The following TBCK variants were observed in gnomAD, a reference collection of about 807,000 sequenced individuals.
TBCK encodes the protein TBC1 domain containing kinase.
Under a neutral mutation model 113.4 loss-of-function variants are expected in TBCK, and 99 were observed. The observed-to-expected ratio is 0.87, with a 90% CI of 0.74 to 1.03. The LOEUF (loss-of-function observed/expected upper bound fraction) is 1.03, where lower values mean the gene tolerates loss of function less well. Among genes scored for constraint, TBCK ranks in the 50% least tolerant of loss-of-function variants. The pLI, the probability that TBCK is intolerant of heterozygous loss-of-function variation, is 0.00. For synonymous variants in TBCK, 369 were observed against 370.8 expected (o/e 1.00, Z 0.05); for missense variants, 1,045 against 1,061.3 (o/e 0.98, Z 0.21).
At chr4:106,079,159 CA>C (rs879893244) in intron 25 of TBCK, among the ~76,000 whole-genome samples, 5 of 151,932 alleles carry the variant, frequency 3.3e-5, no homozygotes, top group Non-Finnish European at 4.4e-5. Context: ...AATTAGGCAT[CA>C]AAAAAACATA....
chr4:106,261,221 A>C (rs1203460914), intron 4 of TBCK, among the ~76,000 whole-genome samples: 4 of 152,100 alleles, frequency 2.6e-5, no homozygotes, highest in African/African-American at 9.7e-5. Flanking sequence ...TAAATTGATA[A>C]GGTAATGATT....
chr4:106,274,234 C>T (rs567214187), intron 3 of TBCK, among the ~76,000 whole-genome samples: 1 of 152,146 alleles, frequency 6.6e-6, no homozygotes, highest in African/African-American at 2.4e-5. Flanking sequence ...GTAAATGGAA[C>T]CTTTGTGCAT....
chr4:106,095,553 T>C lies in TBCK; in HGVS notation c.2500A>G (p.Thr834Ala), dbSNP rs898420220. The C allele has an allele frequency of 6.2e-7, 1 of 1,613,964 alleles. No individual in the cohort carries two copies. The highest frequency in any genetic ancestry group is 8.5e-7 in the Non-Finnish European group (1 of 1,179,974). ...AEGELTQGPY[T>A]AMLQNFKGKV... ...CCTTTGAAGTTCTGGAGCATAGCAG[T>C]GTAAGGGCCCTGGGTAAGCTCCCCT... The change falls in exon 25 of 26, where the codon ACT becomes GCT. Residue 834 changes from threonine (T) to alanine (A), a missense_variant. Thr to Ala is a moderately conservative substitution (Grantham distance 58). Transcript: ENST00000394708.
At position 106,250,278 on chromosome 4, in the gene TBCK, C is replaced by A. The variant is rs544944985; in HGVS notation, c.658+140G>T. ...TCATATGCTGTTCTGCTGATCATTA[C>A]CACTGATCATTAGCAACTTGAGTAA... On this transcript the variant is annotated intron_variant, in intron 7 of 25. Transcript: ENST00000394708. 3.5e-5 allele frequency: 19 copies of A among 547,878 alleles called. No individual in the cohort carries two copies. The African/African-American group carries it at 3.6e-4, about 10-fold the overall frequency. The allele number at this position is 547,878 out of a possible 1,614,324, so 33.9% of individuals were successfully genotyped here. A position where few individuals can be genotyped will look rare whatever the true frequency, so the allele number is the denominator to read the frequency against.
chr4:106,243,494 C>G (rs1328814258), intron 11 of TBCK, among the ~76,000 whole-genome samples: 1 of 152,062 alleles, frequency 6.6e-6, no homozygotes, highest in African/African-American at 2.4e-5. Context: ...AATCTTACCT[C>G]TAACTTTCTA....
At chr4:106,058,262 G>C (rs1440491648) in intron 25 of TBCK, among the ~76,000 whole-genome samples, 1 of 151,666 alleles carries the variant, frequency 6.6e-6, no homozygotes, top group South Asian at 2.1e-4. Context: ...TGTTCAAATT[G>C]TGCCTTGTAC....
intron 25 of TBCK, among the ~76,000 whole-genome samples, chr4:106,054,247 C>T (rs951540494): frequency 4.6e-5 from 7 of 151,672 alleles, no homozygotes; most frequent in African/African-American, 1.5e-4. Flanking sequence ...AATCTCATCT[C>T]CCAGTCCAAA....
rs567284772 is a variant in TBCK at position 106,055,876 on chromosome 4, C to T, written c.2572-9196G>A. ...CAACAATCTCTTATTGAGACTATCA[C>T]CTGGAATTTGTCTTTCTTTCTAGAA... On this transcript the variant is annotated intron_variant, in intron 25 of 25. Transcript: ENST00000394708. 5.3e-5 allele frequency among the ~76,000 whole-genome samples: 8 copies of T among 151,428 alleles called. No homozygotes were observed. The Admixed American group carries it at 5.3e-4, about 10-fold the overall frequency.
At chr4:106,252,570 A>G (rs996149751) in intron 5 of TBCK, among the ~76,000 whole-genome samples, 1 of 152,062 alleles carries the variant, frequency 6.6e-6, no homozygotes, top group African/African-American at 2.4e-5. Flanking sequence ...AGTGTATTTT[A>G]GAGATTGTTC....
Position 106,043,401 on chromosome 4 carries a change from A to G in TBCK, c.*3169T>C, listed in dbSNP as rs1414106443. On this transcript the variant is annotated 3_prime_UTR_variant, in exon 26 of 26. Coordinates refer to ENST00000394708, the MANE Select transcript of TBCK (RefSeq NM_001163435.3). Reference sequence around the variant, plus strand: ...AGTTTGGCAGTTGAAAAAAATTACCACAGGTTATTTTTATTTTTCTCCCTT... The same window carrying G: ...AGTTTGGCAGTTGAAAAAAATTACCGCAGGTTATTTTTATTTTTCTCCCTT... 1 of 152,096 alleles carries G rather than the reference A, an allele frequency of 6.6e-6. No individual in the cohort carries two copies. The allele number at this position is 152,096 out of a possible 1,614,324, so 9.4% of individuals were successfully genotyped here.
intron 2 of TBCK, among the ~76,000 whole-genome samples, chr4:106,303,462 G>T (rs1303666793): frequency 1.3e-5 from 2 of 152,010 alleles, no homozygotes; most frequent in African/African-American, 2.4e-5. Flanking sequence ...ATTTGAAGGG[G>T]TTCACAGACC....
intron 23 of TBCK, among the ~76,000 whole-genome samples, chr4:106,164,933 G>A (rs975509339): frequency 2.0e-5 from 3 of 151,642 alleles, no homozygotes; most frequent in Non-Finnish European, 4.4e-5. Context: ...TGCAATAAAT[G>A]CTATCATTTT....
Position 106,061,489 on chromosome 4 carries a change from T to C in TBCK, c.2572-14809A>G, listed in dbSNP as rs549087944. 4.0e-5 allele frequency among the ~76,000 whole-genome samples: 6 copies of C among 151,278 alleles called. No homozygotes were observed. In the East Asian group the frequency reaches 5.8e-4, roughly 15 times the overall value. Reference sequence around the variant, plus strand: ...GCATTTTTTGATTAAGGTATGTATGTACTTAATTTAGATATAATGCTGTTG... The same window carrying C: ...GCATTTTTTGATTAAGGTATGTATGCACTTAATTTAGATATAATGCTGTTG... On this transcript the variant is annotated intron_variant, in intron 25 of 25. Transcript: ENST00000394708.
At chr4:106,227,674 G>A (rs975819801) in intron 19 of TBCK, among the ~76,000 whole-genome samples, 3 of 151,896 alleles carry the variant, frequency 2.0e-5, no homozygotes, top group East Asian at 1.9e-4. Flanking sequence ...TTAAAATAAC[G>A]TAGGAAGAAT....
At chr4:106,113,726 G>C (rs777681828) in intron 24 of TBCK, among the ~76,000 whole-genome samples, 18 of 152,180 alleles carry the variant, frequency 1.2e-4, no homozygotes, top group Non-Finnish European at 2.4e-4. Context: ...AAGACTGAGC[G>C]AATCTGCTCT....
chr4:106,309,300 C>T (rs1255856861), intron 1 of TBCK, among the ~76,000 whole-genome samples: 25 of 138,426 alleles, frequency 1.8e-4, no homozygotes, highest in African/African-American at 6.8e-4. Context: ...TAATAAGGCT[C>T]TTCTCTTTTT....
chr4:106,073,448 C>A (rs563532515), intron 25 of TBCK, among the ~76,000 whole-genome samples: 13 of 152,160 alleles, frequency 8.5e-5, no homozygotes, highest in Non-Finnish European at 1.9e-4. Context: ...GCAAATACTG[C>A]AGAACAGCAA....
At chr4:106,140,343 G>T (rs1747033401) in intron 23 of TBCK, among the ~76,000 whole-genome samples, 1 of 140,750 alleles carries the variant, frequency 7.1e-6, no homozygotes, top group African/African-American at 2.5e-5. Flanking sequence ...ATTTGAATGT[G>T]TTTACAGGCA....
chr4:106,239,902 A>G (rs1205889509), intron 12 of TBCK, among the ~76,000 whole-genome samples: 1 of 152,048 alleles, frequency 6.6e-6, no homozygotes, highest in Non-Finnish European at 1.5e-5. Flanking sequence ...TACCCCTGAT[A>G]CCAAACTAGC....
Sources: gnomAD v4.1 joint callset for allele counts (sites outside exome capture counted in the v4.1 genomes callset) on GRCh38, gnomAD v4.1.1 for gene constraint, MANE v1.5 for transcripts, NCBI Gene and HGNC (gene_info 2026-07-23, HGNC 2026-07-21) for gene names.